SORCS1: variants seen among roughly 807,000 people sequenced by gnomAD.
The protein encoded by SORCS1 is VPS10 domain-containing receptor SorCS1.
In SORCS1, 60 loss-of-function variants were observed where a neutral mutation model predicts 146.1. That is an observed-to-expected ratio of 0.41 (90% CI 0.33 to 0.51). The LOEUF (loss-of-function observed/expected upper bound fraction) is 0.51, where lower values mean the gene tolerates loss of function less well. Among genes scored for constraint, SORCS1 ranks in the 20% least tolerant of loss-of-function variants. The pLI, the probability that SORCS1 is intolerant of heterozygous loss-of-function variation, is 0.21. For synonymous variants in SORCS1, 637 were observed against 584.0 expected, an observed-to-expected ratio of 1.09 and a Z score of -1.31; for missense variants, 1,352 against 1,487.6, an observed-to-expected ratio of 0.91 and a Z score of 1.50.
At chr10:106,913,006 T>G (rs1952238294) in intron 2 of SORCS1, among the ~76,000 whole-genome samples, 1 of 151,788 alleles carries the variant, frequency 6.6e-6, no homozygotes, top group African/African-American at 2.4e-5. Context: ...TTTTAAAGAT[T>G]CATATAGAGT....
chr10:107,046,107 C>T (rs1484770604), intron 1 of SORCS1, among the ~76,000 whole-genome samples: 1 of 152,070 alleles, frequency 6.6e-6, no homozygotes, highest in African/African-American at 2.4e-5. Context: ...CCACCACGCC[C>T]AGATAATTTT....
At chr10:106,905,635 T>C (rs1951878501) in intron 2 of SORCS1, among the ~76,000 whole-genome samples, 2 of 152,182 alleles carry the variant, frequency 1.3e-5, no homozygotes, top group Admixed American at 1.3e-4. Flanking sequence ...AAGGAAAACA[T>C]TTGCAAAACA....
At chr10:106,603,004 T>C (rs951042331) in intron 23 of SORCS1, among the ~76,000 whole-genome samples, 4 of 152,142 alleles carry the variant, frequency 2.6e-5, no homozygotes, top group African/African-American at 9.7e-5. Context: ...GGAAGAAATA[T>C]ATATATTTTT....
At chr10:107,019,284 C>T (rs187752375) in intron 1 of SORCS1, among the ~76,000 whole-genome samples, 10 of 152,192 alleles carry the variant, frequency 6.6e-5, no homozygotes, top group East Asian at 1.9e-4. Flanking sequence ...AAATATTAGA[C>T]GATCATGCAG....
chr10:106,824,030 G>C (rs533057973), intron 3 of SORCS1, among the ~76,000 whole-genome samples: 2 of 152,286 alleles, frequency 1.3e-5, no homozygotes, highest in African/African-American at 4.8e-5. Context: ...TGGGCCTGGC[G>C]TGGTGGCTCA....
intron 13 of SORCS1, among the ~76,000 whole-genome samples, chr10:106,675,847 C>T (rs1469005091): frequency 2.6e-5 from 4 of 152,078 alleles, no homozygotes; most frequent in Admixed American, 2.6e-4. Context: ...TAAAAGAGGC[C>T]TCAGAGAAGT....
chr10:106,764,287 A>AT (rs1345935967), intron 4 of SORCS1, among the ~76,000 whole-genome samples: 7 of 152,164 alleles, frequency 4.6e-5, no homozygotes, highest in African/African-American at 1.7e-4. Flanking sequence ...GCCTGGTGTT[A>AT]TACCGACCAA....
At chr10:106,993,790 G>A (rs1037127393) in intron 1 of SORCS1, among the ~76,000 whole-genome samples, 17 of 152,152 alleles carry the variant, frequency 1.1e-4, no homozygotes, top group African/African-American at 3.6e-4. Flanking sequence ...AAGGGAAAAT[G>A]AGGCCAGGTG....
At chr10:106,714,322 A>G (rs1855211636) in intron 6 of SORCS1, among the ~76,000 whole-genome samples, 1 of 151,980 alleles carries the variant, frequency 6.6e-6, no homozygotes, top group Admixed American at 6.6e-5. Flanking sequence ...AGAACTTAAT[A>G]AACTATGGAA....
At chr10:106,726,562 G>A (rs527459655) in intron 6 of SORCS1, among the ~76,000 whole-genome samples, 4 of 152,050 alleles carry the variant, frequency 2.6e-5, no homozygotes, top group Admixed American at 6.6e-5. Context: ...AGGATAAAGC[G>A]TCATGTGCAT....
chr10:107,003,362 T>G (rs1457508612), intron 1 of SORCS1, among the ~76,000 whole-genome samples: 1 of 152,004 alleles, frequency 6.6e-6, no homozygotes, highest in Admixed American at 6.6e-5. Context: ...TAAGAATATT[T>G]TGTATATTTA....
chr10:106,614,358 C>T (rs145945947), intron 21 of SORCS1, among the ~76,000 whole-genome samples: 1 of 152,300 alleles, frequency 6.6e-6, no homozygotes, highest in East Asian at 1.9e-4. Context: ...TTGTACATTT[C>T]CTAACAATGC....
rs981202642 is a variant in SORCS1, at chr10:106,772,199, G to A, written c.885+4335C>T. ...GTTGAATAGAAAAGGCAGAGGGAGGGTGAATTCCCTCTTTCTTTTTGAGCT... is the reference window on the plus strand; with the variant it reads ...GTTGAATAGAAAAGGCAGAGGGAGGATGAATTCCCTCTTTCTTTTTGAGCT... On this transcript the variant is annotated intron_variant, in intron 4 of 25. Transcript: ENST00000263054. 2.0e-5 allele frequency among the ~76,000 whole-genome samples: 3 copies of A among 152,138 alleles called. No homozygotes were observed. The East Asian group carries it at 5.8e-4, about 29-fold the overall frequency.
chr10:106,813,128 C>CTTTT (rs71025557), intron 3 of SORCS1, among the ~76,000 whole-genome samples: 83 of 98,710 alleles, frequency 8.4e-4, no homozygotes, highest in Non-Finnish European at 1.1e-3. Context: ...CTTCTCTTTT[C>CTTTT]TTTTTTTTTT....
intron 1 of SORCS1, among the ~76,000 whole-genome samples, chr10:107,111,778 A>T (rs1458654703): frequency 6.6e-6 from 1 of 152,204 alleles, no homozygotes; most frequent in Non-Finnish European, 1.5e-5. Context: ...GACACATTAT[A>T]AATGAATTAT....
At position 106,607,163 on chromosome 10, in the gene SORCS1, C is replaced by T; in HGVS notation, c.3165+3G>A. 1 of 1,613,830 alleles carries T rather than the reference C, an allele frequency of 6.2e-7. No individual in the cohort carries two copies. Among genetic ancestry groups the T allele is most frequent in the African/African-American group, 1.3e-5 (1 of 75,038 alleles). The stretch of plus-strand genomic sequence containing the variant: ...AAAACGTCTCCTTTTCCAGGGGACT[C>T]ACCTGCTCCAGGTCATCAGTTGACC... On this transcript the variant is annotated splice_donor_region_variant and intron_variant, in intron 23 of 25. Transcript: ENST00000263054.
At position 106,986,708 on chromosome 10, in the gene SORCS1, T is replaced by C. The variant is rs146956006; in HGVS notation, c.559-30128A>G. Among the ~76,000 whole-genome samples, 128 of 152,318 alleles carry C rather than the reference T, an allele frequency of 8.4e-4. 2 individuals are homozygous for C. The East Asian group carries it at 0.022, about 27-fold the overall frequency. On this transcript the variant is annotated intron_variant, in intron 1 of 25. Transcript: ENST00000263054. ...CTTTTTCCTCAGATTGGATAATTTC[T>C]ATTCGTCTACAAGTTTAATGACCTT...
At chr10:106,625,309 A>G (rs1848035484) in intron 19 of SORCS1, among the ~76,000 whole-genome samples, 1 of 151,880 alleles carries the variant, frequency 6.6e-6, no homozygotes, top group Admixed American at 6.6e-5. Flanking sequence ...CCACCTAAAT[A>G]TTGTGCACAT....
At chr10:106,589,012 C>A (rs575801514) in intron 24 of SORCS1, among the ~76,000 whole-genome samples, 123 of 152,106 alleles carry the variant, frequency 8.1e-4, no homozygotes, top group Non-Finnish European at 1.6e-3. Context: ...AGAACAGCTG[C>A]TATTTATAGC....
Sources: gnomAD v4.1 joint callset for allele counts (sites outside exome capture counted in the v4.1 genomes callset) on GRCh38, gnomAD v4.1.1 for gene constraint, MANE v1.5 for transcripts, NCBI Gene and HGNC (gene_info 2026-07-23, HGNC 2026-07-21) for gene names.